The following ATL2 variants were observed in gnomAD, a reference collection of about 807,000 sequenced individuals.
The protein encoded by ATL2 is atlastin GTPase 2.
In ATL2, 31 loss-of-function variants were observed where a neutral mutation model predicts 73.9. The observed-to-expected ratio is 0.42, with a 90% CI of 0.32 to 0.57. The LOEUF is 0.57. ATL2 is among the 20% of genes least tolerant of loss of function. ATL2 has a pLI of 0.14. For synonymous variants in ATL2, 291 were observed against 237.5 expected (o/e 1.23, Z -2.07); for missense variants, 738 against 702.6 (o/e 1.05, Z -0.57).
intron 7 of ATL2, 56 bp downstream of exon 7, chr2:38,313,095 C>T: frequency 7.8e-7 from 1 of 1,281,076 alleles, no homozygotes; most frequent in African/African-American, 1.5e-5. Flanking sequence ...CCGGACAGCC[C>T]ACCCGTTTGC....
chr2:38,312,449 G>A (rs1014374412), intron 7 of ATL2, among the ~76,000 whole-genome samples: 1 of 152,140 alleles, frequency 6.6e-6, no homozygotes, highest in East Asian at 1.9e-4. Flanking sequence ...GGTGGCTCAC[G>A]CCTGTAATCC....
Position 38,314,623 on chromosome 2 carries a change from G to A in ATL2, c.696C>T (p.Tyr232=), listed in dbSNP as rs766911815. 5 of 1,599,964 alleles carry A rather than the reference G, an allele frequency of 3.1e-6. No homozygotes were observed. The African/African-American group carries it at 6.7e-5, about 21-fold the overall frequency. ...ACTTTTTTACCTGAAATGGTTTCTGGTAGATTTCTTCCATCGCAAGTCTTC... is the reference window on the plus strand; with the variant it reads ...ACTTTTTTACCTGAAATGGTTTCTGATAGATTTCTTCCATCGCAAGTCTTC... The part of the protein sequence containing the change: ...EYGRLAMEEI[Y]QKPFQTLMFL... The change falls in exon 6 of 13, where the codon TAC becomes TAT. Residue 232 remains tyrosine (Y), a synonymous_variant. Transcript: ENST00000378954.
intron 1 of ATL2, among the ~76,000 whole-genome samples, chr2:38,370,495 G>T (rs957988653): frequency 7.2e-6 from 1 of 138,784 alleles, no homozygotes; most frequent in Admixed American, 7.8e-5. Context: ...AACCCAGCCA[G>T]CACAGTGGCT....
intron 4 of ATL2, among the ~76,000 whole-genome samples, chr2:38,315,914 A>G (rs1668003430): frequency 6.6e-6 from 1 of 152,230 alleles, no homozygotes; most frequent in South Asian, 2.1e-4. Context: ...TAATAAAAGT[A>G]ACAGTAGGTG....
At chr2:38,357,746 A>T (rs1479694680) in intron 1 of ATL2, among the ~76,000 whole-genome samples, 1 of 152,102 alleles carries the variant, frequency 6.6e-6, no homozygotes, top group East Asian at 1.9e-4. Flanking sequence ...GCATTAATAG[A>T]ACATACATAT....
chr2:38,362,306 C>A (rs143254720), intron 1 of ATL2, among the ~76,000 whole-genome samples: 60 of 152,278 alleles, frequency 3.9e-4, no homozygotes, highest in African/African-American at 1.3e-3. Context: ...CCCTTCCTTA[C>A]CAGACATATC....
intron 1 of ATL2, 146 bp from the exon 2 acceptor site, chr2:38,343,658 C>T (rs1245496841): frequency 8.1e-6 from 6 of 745,240 alleles, no homozygotes; most frequent in Non-Finnish European, 1.3e-5. Flanking sequence ...GGATTTCTCA[C>T]TCCCTCTGTG....
At chr2:38,333,282 A>G (rs1000604865) in intron 2 of ATL2, among the ~76,000 whole-genome samples, 6 of 152,104 alleles carry the variant, frequency 3.9e-5, no homozygotes, top group South Asian at 2.1e-4. Context: ...GAGCGAGACG[A>G]TATCTCTAAA....
intron 9 of ATL2, among the ~76,000 whole-genome samples, chr2:38,302,583 C>A (rs960062702): frequency 5.9e-5 from 9 of 152,122 alleles, no homozygotes; most frequent in African/African-American, 1.9e-4. Flanking sequence ...GCTTGTGTCA[C>A]CCCCTCCCCC....
At position 38,377,216 on chromosome 2, in the gene ATL2, C is replaced by T; in HGVS notation, c.45G>A (p.Gln15=). ...TGGTCCGTCGCCGGCGCCACAGCCC[C>T]TGGTGCGGTTGCTGCCCTCGCGCTG... ...DEAARGQQPH[Q]GLWRRRRTSD... The change falls in exon 1 of 13, where the codon CAG becomes CAA. Residue 15 remains glutamine (Q), a synonymous_variant. Coordinates refer to ENST00000378954, the MANE Select transcript of ATL2 (RefSeq NM_001135673.4). The T allele has an allele frequency of 1.2e-6, 2 of 1,608,032 alleles. No individual in the cohort carries two copies. The highest frequency in any genetic ancestry group is 2.2e-5 in the East Asian group (1 of 44,672).
Position 38,325,661 on chromosome 2 carries a change from TACACACACACAC to T in ATL2, c.364-6654_364-6643del, listed in dbSNP as rs562138786. Among the ~76,000 whole-genome samples, 192 of 41,686 alleles carry T rather than the reference TACACACACACAC, an allele frequency of 4.6e-3. 3 individuals carry two copies. Among genetic ancestry groups the T allele is most frequent in the East Asian group, 8.0e-3 (7 of 880 alleles). The allele number at this position is 41,686 out of a possible 152,430, so 27.3% of individuals were successfully genotyped here. On this transcript the variant is annotated intron_variant, in intron 2 of 12. Transcript: ENST00000378954. ...ACACACACACACACACACACACCAG[TACACACACACAC>T]ACACACACACACACACACACACCAG...
intron 5 of ATL2, 134 bp downstream of exon 5, chr2:38,315,150 C>G (rs936704733): frequency 4.5e-6 from 4 of 883,946 alleles, no homozygotes; most frequent in African/African-American, 1.8e-5. Context: ...ACTTGGGAGG[C>G]TGAGGCAGGA....
At chr2:38,370,834 G>C (rs1671647266) in intron 1 of ATL2, among the ~76,000 whole-genome samples, 1 of 151,640 alleles carries the variant, frequency 6.6e-6, no homozygotes, top group South Asian at 2.1e-4. Context: ...CAAGCCTGTA[G>C]ACCTAGCTAC....
chr2:38,330,517 C>T (rs1309722804), intron 2 of ATL2, among the ~76,000 whole-genome samples: 4 of 151,938 alleles, frequency 2.6e-5, no homozygotes, highest in East Asian at 1.9e-4. Context: ...CGAAGGAATC[C>T]GCTAAAAAAA....
chr2:38,319,542 T>C (rs1164566638), intron 2 of ATL2, among the ~76,000 whole-genome samples: 1 of 149,770 alleles, frequency 6.7e-6, no homozygotes, highest in African/African-American at 2.5e-5. Flanking sequence ...GAGGCTACAG[T>C]GAGCTGAGAT....
chr2:38,360,903 T>A (rs1213488852), intron 1 of ATL2, among the ~76,000 whole-genome samples: 1 of 151,690 alleles, frequency 6.6e-6, no homozygotes, highest in East Asian at 1.9e-4. Context: ...CATGGTTCCT[T>A]GTTCACCAAA....
chr2:38,325,699 T>TACACACACACACACACACAC (rs1221635411), intron 2 of ATL2, among the ~76,000 whole-genome samples: 4 of 11,314 alleles, frequency 3.5e-4, no homozygotes, highest in East Asian at 3.6e-3. Context: ...CACACACCAG[T>TACACACACACACACACACAC]ACACACACAC....
chr2:38,338,342 T>G (rs1236959737), intron 2 of ATL2, among the ~76,000 whole-genome samples: 1 of 151,812 alleles, frequency 6.6e-6, no homozygotes, highest in Non-Finnish European at 1.5e-5. Context: ...GTTGAAAAAC[T>G]ATTGGTTACT....
In ATL2 at chr2:38,298,649, T is replaced by C. The variant is rs565503458; in HGVS notation, c.1201-74A>G. 164 of 1,493,730 alleles carry C rather than the reference T, an allele frequency of 1.1e-4. No individual in the cohort carries two copies. The East Asian group carries it at 3.2e-3, about 29-fold the overall frequency. The allele number at this position is 1,493,730 out of a possible 1,614,324, so 92.5% of individuals were successfully genotyped here. ...GAAAGAAGTTCCTGTTCATAGTTTT[T>C]AGTCTCAGAAAGTCAAACCACTTAC... On this transcript the variant is annotated intron_variant, in intron 11 of 12. Coordinates refer to ENST00000378954, the MANE Select transcript of ATL2 (RefSeq NM_001135673.4).
Sources: gnomAD v4.1 joint callset for allele counts (sites outside exome capture counted in the v4.1 genomes callset) on GRCh38, gnomAD v4.1.1 for gene constraint, MANE v1.5 for transcripts, NCBI Gene and HGNC (gene_info 2026-07-23, HGNC 2026-07-21) for gene names.